Variants in CSMD1 observed in about 807,000 individuals in gnomAD.
CSMD1 encodes the protein CUB and Sushi multiple domains 1.
CSMD1 carries 213 observed loss-of-function variants against 417.5 expected under a neutral mutation model. The observed-to-expected ratio is 0.51, with a 90% CI of 0.46 to 0.57. The LOEUF is 0.57. Ranked by LOEUF, CSMD1 falls within the 20% of genes least tolerant of loss-of-function variation. The pLI is 0.00. For synonymous variants in CSMD1, 2,862 were observed against 1,736.8 expected, an observed-to-expected ratio of 1.65 and a Z score of -16.11; for missense variants, 6,923 against 4,529.7, an observed-to-expected ratio of 1.53 and a Z score of -15.17.
chr8:4,960,427 G>C (rs954219763), intron 1 of CSMD1, among the ~76,000 whole-genome samples: 1 of 152,134 alleles, frequency 6.6e-6, no homozygotes, highest in Admixed American at 6.5e-5. Flanking sequence ...TCCCACTGTT[G>C]AAAACTACTT....
intron 3 of CSMD1, among the ~76,000 whole-genome samples, chr8:4,080,060 G>C (rs1195797137): frequency 6.7e-6 from 1 of 150,328 alleles, no homozygotes; most frequent in African/African-American, 2.5e-5. Flanking sequence ...AGGAATCTAC[G>C]ACTCATCTGA....
At chr8:4,030,830 C>G (rs1797304943) in intron 4 of CSMD1, among the ~76,000 whole-genome samples, 1 of 152,216 alleles carries the variant, frequency 6.6e-6, no homozygotes, top group Non-Finnish European at 1.5e-5. Context: ...CAAGACACCT[C>G]TTGAATGCTT....
intron 1 of CSMD1, among the ~76,000 whole-genome samples, chr8:4,804,614 A>G (rs79291403): frequency 0.072 from 10,979 of 152,146 alleles, 651 homozygotes; most frequent in East Asian, 0.23. Context: ...GAAGGAAGAC[A>G]GGGGATATAA....
intron 2 of CSMD1, among the ~76,000 whole-genome samples, chr8:4,509,390 G>T (rs1181725399): frequency 6.6e-6 from 1 of 152,118 alleles, no homozygotes; most frequent in African/African-American, 2.4e-5. Flanking sequence ...ATTTTTAGCT[G>T]CTTCAAAGGG....
At chr8:4,229,895 G>A (rs1174939148) in intron 3 of CSMD1, among the ~76,000 whole-genome samples, 2 of 152,092 alleles carry the variant, frequency 1.3e-5, no homozygotes, top group East Asian at 3.9e-4. Flanking sequence ...GTATCGCTTT[G>A]AGTGATACTC....
At chr8:4,354,002 T>G (rs1381206672) in intron 3 of CSMD1, among the ~76,000 whole-genome samples, 1 of 152,232 alleles carries the variant, frequency 6.6e-6, no homozygotes, top group African/African-American at 2.4e-5. Context: ...CCTGCGTGGT[T>G]GTTCAGCACA....
At chr8:3,011,838 T>C (rs569231596) in intron 52 of CSMD1, among the ~76,000 whole-genome samples, 1 of 152,358 alleles carries the variant, frequency 6.6e-6, no homozygotes, top group East Asian at 1.9e-4. Flanking sequence ...AACCTCTTCC[T>C]AGTTTGTGTG....
chr8:3,432,795 T>G (rs1445642711), intron 12 of CSMD1, among the ~76,000 whole-genome samples: 1 of 152,226 alleles, frequency 6.6e-6, no homozygotes, highest in African/African-American at 2.4e-5. Context: ...ATTACAGGCA[T>G]GAGCCACTAC....
At chr8:4,937,410 G>A (rs1353222982) in intron 1 of CSMD1, among the ~76,000 whole-genome samples, 1 of 152,042 alleles carries the variant, frequency 6.6e-6, no homozygotes, top group East Asian at 1.9e-4. Flanking sequence ...ACAGGTTGAA[G>A]AATTCATATA....
intron 7 of CSMD1, among the ~76,000 whole-genome samples, chr8:3,664,153 G>C (rs778128131): frequency 1.3e-5 from 2 of 151,978 alleles, no homozygotes; most frequent in African/African-American, 2.4e-5. Flanking sequence ...TTTAACATTA[G>C]GTATTTCCCC....
rs57528661 is a variant in CSMD1, at chr8:3,342,899, ATGTG to A, written c.3631+391_3631+394del. Reference sequence around the variant, plus strand: ...ATTAAATGTATAAATATATGTGTGTATGTGTGTGTGTGTGTGTCATTCAAAGTCT... The same window carrying A: ...ATTAAATGTATAAATATATGTGTGTATGTGTGTGTGTGTCATTCAAAGTCT... On this transcript the variant is annotated intron_variant, in intron 23 of 69. Transcript: ENST00000635120. Among the ~76,000 whole-genome samples, 36 of 142,902 alleles carry A rather than the reference ATGTG, an allele frequency of 2.5e-4. 1 individual carries two copies. The highest frequency in any genetic ancestry group is 4.8e-4 in the Non-Finnish European group (30 of 62,220). The allele number at this position is 142,902 out of a possible 152,430, so 93.7% of individuals were successfully genotyped here.
intron 3 of CSMD1, among the ~76,000 whole-genome samples, chr8:4,033,306 G>A (rs574099949): frequency 1.3e-5 from 2 of 152,074 alleles, no homozygotes; most frequent in East Asian, 1.9e-4. Context: ...GCCGGGCGTG[G>A]TGGCGGGCAC....
At chr8:4,664,882 T>C (rs1563096216) in intron 1 of CSMD1, among the ~76,000 whole-genome samples, 1 of 152,196 alleles carries the variant, frequency 6.6e-6, no homozygotes, top group Non-Finnish European at 1.5e-5. Context: ...TGTATATATA[T>C]TACTTCTTTA....
intron 3 of CSMD1, among the ~76,000 whole-genome samples, chr8:4,074,978 T>C (rs1799746546): frequency 6.6e-6 from 1 of 152,166 alleles, no homozygotes; most frequent in Non-Finnish European, 1.5e-5. Context: ...CCTTCCCTAA[T>C]GGGATATGAA....
intron 2 of CSMD1, among the ~76,000 whole-genome samples, chr8:4,446,717 T>TTGTGTGTGTGTGTGTCTGTG (rs1189963038): frequency 7.6e-5 from 11 of 144,548 alleles, no homozygotes; most frequent in African/African-American, 2.9e-4. Flanking sequence ...CATGCCTGAG[T>TTGTGTGTGTGTGTGTCTGTG]TGTGTGTGTG....
chr8:3,271,296 T>C (rs919065506), intron 26 of CSMD1, among the ~76,000 whole-genome samples: 1 of 152,024 alleles, frequency 6.6e-6, no homozygotes, highest in African/African-American at 2.4e-5. Flanking sequence ...CCATGGTGTA[T>C]ATGTGCCACA....
At chr8:4,235,507 T>G (rs1801993667) in intron 3 of CSMD1, among the ~76,000 whole-genome samples, 1 of 152,154 alleles carries the variant, frequency 6.6e-6, no homozygotes, top group Admixed American at 6.5e-5. Context: ...AAAACAAATC[T>G]TCTAAGTAAT....
chr8:3,683,045 G>A (rs1159459172), intron 7 of CSMD1, among the ~76,000 whole-genome samples: 1 of 152,068 alleles, frequency 6.6e-6, no homozygotes, highest in African/African-American at 2.4e-5. Flanking sequence ...AGGGACTGTT[G>A]TGGGGTGGGG....
chr8:3,421,878 T>A (rs1379425613), intron 12 of CSMD1, among the ~76,000 whole-genome samples: 2 of 147,292 alleles, frequency 1.4e-5, no homozygotes, highest in Non-Finnish European at 2.9e-5. Context: ...CTTCAGGCGA[T>A]CCACCCACCT....
Sources: allele counts gnomAD v4.1 joint callset (sites outside exome capture counted in the v4.1 genomes callset), GRCh38; gene constraint gnomAD v4.1.1; transcripts MANE v1.5; gene names NCBI Gene and HGNC (gene_info 2026-07-23, HGNC 2026-07-21).